Variants in IGSF10 observed in about 807,000 individuals in gnomAD.
IGSF10 encodes the protein calvaria mechanical force protein 608.
IGSF10 carries 126 observed loss-of-function variants against 128.2 expected under a neutral mutation model. That is an observed-to-expected ratio of 0.98 (90% CI 0.85 to 1.14). The LOEUF is 1.14. Ranked by LOEUF, IGSF10 falls within the 50% of genes most tolerant of loss-of-function variation. IGSF10 has a pLI of 0.00. For missense variants in IGSF10, 3,295 were observed against 3,149.8 expected, an observed-to-expected ratio of 1.05 and a Z score of -1.10; for synonymous variants, 1,185 against 1,146.2, an observed-to-expected ratio of 1.03 and a Z score of -0.68.
chr3:151,450,078 G>A (rs1233053304), intron 5 of IGSF10, among the ~76,000 whole-genome samples: 1 of 152,200 alleles, frequency 6.6e-6, no homozygotes, highest in Admixed American at 6.5e-5. Context: ...TGACATTCTG[G>A]CGAAGTCAGA....
the IGSF10 span, among the ~76,000 whole-genome samples, chr3:151,553,192 G>T: frequency 2.6e-5 from 4 of 152,052 alleles, no homozygotes; most frequent in Non-Finnish European, 5.9e-5. Context: ...CTGCTGAAGG[G>T]TTAGCAATTT....
the IGSF10 span, among the ~76,000 whole-genome samples, chr3:151,491,928 C>T: frequency 1.6e-4 from 24 of 151,956 alleles, no homozygotes; most frequent in Non-Finnish European, 1.3e-4. Context: ...AAGAATACTT[C>T]GAAAAGATTA....
At chr3:151,599,950 A>G in the IGSF10 span, among the ~76,000 whole-genome samples, 1 of 152,180 alleles carries the variant, frequency 6.6e-6, no homozygotes, top group Non-Finnish European at 1.5e-5. Context: ...GTCCAAGGAT[A>G]TTAATGGGCT....
At chr3:151,464,524 T>C (rs9858311), upstream of IGSF10, among the ~76,000 whole-genome samples, 124,597 of 152,086 alleles carry the variant, frequency 0.82, 51,759 homozygotes, top group Middle Eastern at 0.96. Context: ...TTAACACCAA[T>C]CAACCAAGCG....
the IGSF10 span, among the ~76,000 whole-genome samples, chr3:151,539,632 A>G: frequency 6.6e-6 from 1 of 152,172 alleles, no homozygotes; most frequent in Non-Finnish European, 1.5e-5. Flanking sequence ...AACTCATTGT[A>G]TCAATATGAA....
the IGSF10 span, among the ~76,000 whole-genome samples, chr3:151,498,591 G>T: frequency 1.3e-5 from 2 of 152,090 alleles, no homozygotes; most frequent in South Asian, 2.1e-4. Context: ...TGCAGAAAAG[G>T]CCTTTGAAGT....
chr3:151,554,262 A>C, the IGSF10 span, among the ~76,000 whole-genome samples: 1 of 152,298 alleles, frequency 6.6e-6, no homozygotes, highest in South Asian at 2.1e-4. Flanking sequence ...ATTTTATTGG[A>C]ATAGCACTTT....
At chr3:151,613,397 A>G in the IGSF10 span, among the ~76,000 whole-genome samples, 1 of 152,216 alleles carries the variant, frequency 6.6e-6, no homozygotes, top group African/African-American at 2.4e-5. Flanking sequence ...ACAAAGCTGG[A>G]GGCATCACGC....
chr3:151,584,116 T>C, the IGSF10 span, among the ~76,000 whole-genome samples: 1 of 152,214 alleles, frequency 6.6e-6, no homozygotes, highest in Admixed American at 6.5e-5. Context: ...TTTTTACATA[T>C]TGTGAAACTA....
At chr3:151,603,747 G>T in the IGSF10 span, among the ~76,000 whole-genome samples, 7 of 152,364 alleles carry the variant, frequency 4.6e-5, no homozygotes, top group Non-Finnish European at 1.0e-4. Context: ...GGAGCCAGGA[G>T]AGCTCATGAT....
chr3:151,603,637 A>G, the IGSF10 span, among the ~76,000 whole-genome samples: 1 of 152,180 alleles, frequency 6.6e-6, no homozygotes, highest in East Asian at 1.9e-4. Flanking sequence ...GGCTCATACA[A>G]TTATGGGGAT....
At chr3:151,499,846 T>C in the IGSF10 span, 1 of 152,136 alleles carries the variant, frequency 6.6e-6, no homozygotes, top group African/African-American at 2.4e-5. Flanking sequence ...AAGGACTTGA[T>C]GGGTTTGCCT....
Position 151,438,613 on chromosome 3 carries a change from A to G in IGSF10, c.5964-16T>C. The G allele has an allele frequency of 6.3e-7, 1 of 1,593,706 alleles. No individual in the cohort carries two copies. The highest frequency in any genetic ancestry group is 2.2e-5 in the East Asian group (1 of 44,782). ...GCTGCCCACTCTAAGGAGAAAAGAG[A>G]TTCATTTGAGTGTGCAGCTGTTAGC... On this transcript the variant is annotated splice_polypyrimidine_tract_variant and intron_variant, in intron 7 of 7. Coordinates refer to ENST00000282466, the MANE Select transcript of IGSF10 (RefSeq NM_178822.5).
At chr3:151,452,316 C>G (rs1721547219) in intron 5 of IGSF10, among the ~76,000 whole-genome samples, 1 of 152,208 alleles carries the variant, frequency 6.6e-6, no homozygotes, top group Admixed American at 6.5e-5. Flanking sequence ...GTATAGCCTA[C>G]TACACACCTA....
chr3:151,488,394 G>A, the IGSF10 span, among the ~76,000 whole-genome samples: 1 of 152,090 alleles, frequency 6.6e-6, no homozygotes, highest in Admixed American at 6.5e-5. Context: ...TGGCCATACT[G>A]CCCAAAGTAA....
chr3:151,461,552 C>T (rs932478847), upstream of IGSF10: 1 of 489,446 alleles, frequency 2.0e-6, no homozygotes. Flanking sequence ...TATAGTGAAA[C>T]AACATATCCA....
the IGSF10 span, among the ~76,000 whole-genome samples, chr3:151,571,109 T>C: frequency 6.6e-6 from 1 of 152,222 alleles, no homozygotes; most frequent in African/African-American, 2.4e-5. Context: ...TTGGTACCAG[T>C]ACCATGCTGT....
chr3:151,435,425 CA>C (rs1560164446), downstream of IGSF10: 1 of 152,068 alleles, frequency 6.6e-6, no homozygotes, highest in African/African-American at 2.4e-5. Context: ...GTACTAACAT[CA>C]GACATAAGTT....
chr3:151,446,025 G>A lies in IGSF10; in HGVS notation c.3956C>T (p.Pro1319Leu). Residue 1319 changes from proline (P) to leucine (L), a missense_variant, in exon 6 of 8, where the codon CCA becomes CTA. By Grantham distance (98) the Pro-to-Leu change is moderately conservative. Coordinates refer to ENST00000282466, the MANE Select transcript of IGSF10 (RefSeq NM_178822.5). ...KSIISTQTAIPATTPTFPASV... is the reference protein window; with the variant it reads ...KSIISTQTAILATTPTFPASV... ...TGCAGGGAAGGTAGGAGTTGTTGCT[G>A]GTATTGCTGTTTGCGTTGATATGAT... The A allele has an allele frequency of 6.2e-7, 1 of 1,614,094 alleles. No individual in the cohort carries two copies. Among genetic ancestry groups the A allele is most frequent in the Non-Finnish European group, 8.5e-7 (1 of 1,180,018 alleles).
Sources: allele counts gnomAD v4.1 joint callset (sites outside exome capture counted in the v4.1 genomes callset), GRCh38; gene constraint gnomAD v4.1.1; transcripts MANE v1.5; gene names NCBI Gene and HGNC (gene_info 2026-07-23, HGNC 2026-07-21).